FRMPD4: variants seen among roughly 807,000 people sequenced by gnomAD.
FRMPD4 encodes the protein FERM and PDZ domain-containing protein 4.
In FRMPD4, 22 loss-of-function variants were observed where a neutral mutation model predicts 94.1. The observed-to-expected ratio is 0.23, with a 90% CI of 0.17 to 0.33. FRMPD4 has a LOEUF of 0.33. Among genes scored for constraint, FRMPD4 ranks in the 10% least tolerant of loss-of-function variants. The pLI is 1.00. For missense variants in FRMPD4, 1,111 were observed against 1,339.9 expected (o/e 0.83, Z 2.67); for synonymous variants, 631 against 548.6 (o/e 1.15, Z -2.10).
intron 4 of FRMPD4, among the ~76,000 whole-genome samples, chrX:12,650,229 G>C (rs771187375): frequency 8.9e-6 from 1 of 112,080 alleles, no homozygotes; most frequent in African/African-American, 3.2e-5. Flanking sequence ...TGTAATTTTA[G>C]GTCCAGTTCA....
intron 1 of FRMPD4, among the ~76,000 whole-genome samples, chrX:12,255,954 T>A (rs942158349): frequency 1.2e-4 from 14 of 112,240 alleles, no homozygotes; most frequent in African/African-American, 4.2e-4. Context: ...GGAACTTGAT[T>A]CTTGAAGTTG....
At chrX:12,244,047 T>A (rs1027117237) in intron 1 of FRMPD4, among the ~76,000 whole-genome samples, 1 of 110,536 alleles carries the variant, frequency 9.0e-6, no homozygotes, top group Non-Finnish European at 1.9e-5. Flanking sequence ...CCTGTTAAGT[T>A]GCCCTACCAG....
chrX:12,162,273 G>T (rs991875104), intron 1 of FRMPD4, among the ~76,000 whole-genome samples: 1 of 112,189 alleles, frequency 8.9e-6, no homozygotes, highest in African/African-American at 3.2e-5. Context: ...TTTCCAGTTG[G>T]TAACAATGTA....
Position 12,299,337 on chromosome X carries a change from C to T in FRMPD4, c.41+160325C>T, listed in dbSNP as rs1013322654. ...AGGAAGAGGAAGAAGAAGAAGAAGA[C>T]GAAGAAGAAGAAGAATGAAAAGTTA... On this transcript the variant is annotated intron_variant, in intron 1 of 16. Coordinates refer to ENST00000675598, the MANE Select transcript of FRMPD4 (RefSeq NM_001368397.1). Among the ~76,000 whole-genome samples, 10 of 108,324 alleles carry T rather than the reference C, an allele frequency of 9.2e-5. No individual in the cohort carries two copies. In the East Asian group the frequency reaches 1.4e-3, roughly 16 times the overall value. The allele number at this position is 108,324 out of a possible 115,157, so 94.1% of individuals were successfully genotyped here.
chrX:12,488,209 T>A (rs768553768), intron 1 of FRMPD4, among the ~76,000 whole-genome samples: 43 of 111,777 alleles, frequency 3.8e-4, no homozygotes, highest in African/African-American at 1.2e-3. Flanking sequence ...AACTCAAACA[T>A]GTTTTTGATA....
At chrX:12,359,070 A>G (rs758402102) in intron 1 of FRMPD4, among the ~76,000 whole-genome samples, 6 of 112,087 alleles carry the variant, frequency 5.4e-5, no homozygotes, top group African/African-American at 9.7e-5. Context: ...AGAGAATGCA[A>G]TATCTCTTTC....
At chrX:11,848,884 T>C (rs1380634904) in intron 1 of FRMPD4, among the ~76,000 whole-genome samples, 1 of 111,907 alleles carries the variant, frequency 8.9e-6, no homozygotes, top group East Asian at 2.8e-4. Flanking sequence ...GCTTTTCTTC[T>C]AAGATCAGGA....
chrX:12,602,910 G>A (rs977420177), intron 2 of FRMPD4, among the ~76,000 whole-genome samples: 1 of 112,295 alleles, frequency 8.9e-6, no homozygotes, highest in Admixed American at 9.4e-5. Flanking sequence ...GCAATAGGAT[G>A]TTAGCAGAGC....
In FRMPD4 at chrX:11,898,231, G is replaced by A. The variant is rs776156250; in HGVS notation, c.95+20213G>A. 4.5e-5 allele frequency among the ~76,000 whole-genome samples: 5 copies of A among 111,083 alleles called. No homozygotes were observed. In the South Asian group the frequency reaches 1.5e-3, roughly 34 times the overall value. On this transcript the variant is annotated intron_variant, in intron 3 of 18. Transcript: ENST00000640291. ...TTGGCTTTTCCTCTGAGATGGAGGT[G>A]CCCTGGCGGTTTTAAGCAGCTTGGC...
chrX:12,402,220 T>TA (rs1451993394), intron 1 of FRMPD4, among the ~76,000 whole-genome samples: 1 of 109,846 alleles, frequency 9.1e-6, no homozygotes, highest in African/African-American at 3.4e-5. Context: ...TGGCTTTCTC[T>TA]ATCAAAACTA....
chrX:12,439,124 T>C (rs957784645), intron 1 of FRMPD4, among the ~76,000 whole-genome samples: 2 of 111,443 alleles, frequency 1.8e-5, no homozygotes, highest in African/African-American at 6.5e-5. Flanking sequence ...AAAGTTCAGG[T>C]GGGCTTATGA....
At chrX:12,387,361 T>C (rs771083055) in intron 1 of FRMPD4, among the ~76,000 whole-genome samples, 197 of 112,295 alleles carry the variant, frequency 1.8e-3, no homozygotes, top group Non-Finnish European at 3.1e-3. Flanking sequence ...GCATTAAACC[T>C]AAGCCTCTAA....
chrX:12,378,268 G>T (rs752086985), intron 1 of FRMPD4, among the ~76,000 whole-genome samples: 2 of 112,585 alleles, frequency 1.8e-5, no homozygotes, highest in East Asian at 5.5e-4. Flanking sequence ...TCTTCTTCTT[G>T]TTCAAGGCTA....
chrX:12,224,800 TG>T (rs943128208), intron 1 of FRMPD4, among the ~76,000 whole-genome samples: 1 of 111,682 alleles, frequency 9.0e-6, no homozygotes, highest in Non-Finnish European at 1.9e-5. Flanking sequence ...TATTTTTCTT[TG>T]AATTATTTTC....
intron 13 of FRMPD4, chrX:12,709,018 G>C (rs2046166067): frequency 8.8e-6 from 1 of 113,853 alleles, no homozygotes; most frequent in African/African-American, 3.2e-5. Flanking sequence ...CCCCATCACA[G>C]AGAAAGGTGG....
chrX:12,321,961 C>T (rs2055214081), intron 1 of FRMPD4, among the ~76,000 whole-genome samples: 1 of 111,830 alleles, frequency 8.9e-6, no homozygotes, highest in Non-Finnish European at 1.9e-5. Context: ...CTAAGTTCTG[C>T]AGGGTGATGT....
intron 4 of FRMPD4, among the ~76,000 whole-genome samples, chrX:12,648,244 C>G (rs921809408): frequency 2.7e-5 from 3 of 111,823 alleles, no homozygotes; most frequent in African/African-American, 9.8e-5. Context: ...ACTTCTCTCA[C>G]CCAAAAGCCA....
chrX:12,654,208 C>G (rs966061910), intron 4 of FRMPD4, among the ~76,000 whole-genome samples: 2 of 112,411 alleles, frequency 1.8e-5, no homozygotes, highest in Non-Finnish European at 3.8e-5. Flanking sequence ...ACCTCTCTTT[C>G]TAACTCCCTT....
chrX:12,110,802 A>G (rs867728253), intron 3 of FRMPD4, among the ~76,000 whole-genome samples: 62 of 111,609 alleles, frequency 5.6e-4, no homozygotes, highest in African/African-American at 2.0e-3. Flanking sequence ...CCAAATCCTG[A>G]GTGAACTCCC....
Sources: gnomAD v4.1 joint callset for allele counts (sites outside exome capture counted in the v4.1 genomes callset) on GRCh38, gnomAD v4.1.1 for gene constraint, MANE v1.5 for transcripts, NCBI Gene and HGNC (gene_info 2026-07-23, HGNC 2026-07-21) for gene names.